The following PARD3 variants were observed in gnomAD, a reference collection of about 807,000 sequenced individuals.
PARD3 encodes the protein par-3 family cell polarity regulator.
In PARD3, 75 loss-of-function variants were observed where a neutral mutation model predicts 155.4. The ratio of observed to expected loss-of-function variants is 0.48; its 90% confidence interval spans 0.40 to 0.58. PARD3 has a LOEUF of 0.58. Ranked by LOEUF, PARD3 falls within the 20% of genes least tolerant of loss-of-function variation. The pLI is 0.00. For synonymous variants in PARD3, 576 were observed against 610.5 expected (o/e 0.94, Z 0.83); for missense variants, 1,642 against 1,721.7 (o/e 0.95, Z 0.82).
intron 15 of PARD3, 100 bp from the exon 16 acceptor site, chr10:34,341,916 T>C (rs1589238243): frequency 1.5e-6 from 1 of 681,900 alleles, no homozygotes; most frequent in East Asian, 2.7e-5. Context: ...AGTCTAATTT[T>C]CCACATATCT....
intron 9 of PARD3, among the ~76,000 whole-genome samples, chr10:34,381,619 A>C (rs945071135): frequency 4.6e-5 from 7 of 152,082 alleles, no homozygotes; most frequent in Non-Finnish European, 8.8e-5. Context: ...CGACATCATG[A>C]CTTCCACATC....
chr10:34,144,859 C>G (rs1948378984), intron 22 of PARD3, among the ~76,000 whole-genome samples: 2 of 152,088 alleles, frequency 1.3e-5, no homozygotes, highest in African/African-American at 4.8e-5. Context: ...CTGGAGCCCT[C>G]TAACCTCAAA....
intron 12 of PARD3, among the ~76,000 whole-genome samples, chr10:34,363,697 G>A (rs1358589513): frequency 6.6e-6 from 1 of 152,094 alleles, no homozygotes; most frequent in Non-Finnish European, 1.5e-5. Flanking sequence ...CTCGAATTAA[G>A]ATCTTTCTAC....
chr10:34,140,562 A>G (rs1365557917), intron 22 of PARD3, among the ~76,000 whole-genome samples: 1 of 152,224 alleles, frequency 6.6e-6, no homozygotes, highest in Non-Finnish European at 1.5e-5. Context: ...CTGGCTAAAA[A>G]GACTGTGGCT....
At chr10:34,397,985 TTAACTA>T (rs1195251278) in intron 7 of PARD3, among the ~76,000 whole-genome samples, 1 of 152,210 alleles carries the variant, frequency 6.6e-6, no homozygotes, top group East Asian at 1.9e-4. Flanking sequence ...ATAATATTGT[TTAACTA>T]TAAGTTATTT....
At chr10:34,429,568 T>A (rs1018610709) in intron 5 of PARD3, among the ~76,000 whole-genome samples, 1 of 108,912 alleles carries the variant, frequency 9.2e-6, no homozygotes, top group African/African-American at 7.4e-5. Flanking sequence ...TGTTTTGTTT[T>A]GTTTTGTTTT....
At chr10:34,177,233 A>ATTTG (rs1950070566) in intron 22 of PARD3, among the ~76,000 whole-genome samples, 1 of 152,232 alleles carries the variant, frequency 6.6e-6, no homozygotes, top group Non-Finnish European at 1.5e-5. Context: ...ATTTCACCAT[A>ATTTG]GCCCAGCAGA....
intron 2 of PARD3, among the ~76,000 whole-genome samples, chr10:34,682,240 A>C (rs958933569): frequency 6.6e-6 from 1 of 152,156 alleles, no homozygotes; most frequent in African/African-American, 2.4e-5. Flanking sequence ...GTCAAGCAGT[A>C]TAGCACACAT....
chr10:34,437,852 A>C (rs533579671), intron 5 of PARD3, among the ~76,000 whole-genome samples: 4 of 152,246 alleles, frequency 2.6e-5, no homozygotes, highest in Non-Finnish European at 5.9e-5. Flanking sequence ...TAGTTATATA[A>C]ACATGAAGAG....
intron 12 of PARD3, among the ~76,000 whole-genome samples, chr10:34,361,005 G>T (rs1183912388): frequency 6.6e-6 from 1 of 152,160 alleles, no homozygotes; most frequent in Non-Finnish European, 1.5e-5. Context: ...TTAAAACAGA[G>T]GAAGAAATGA....
In PARD3 at chr10:34,400,685, A is replaced by G. The variant is rs551841129; in HGVS notation, c.806+1141T>C. ...ATAAAAACCTGAAGTTATCCTATGT[A>G]CTATGAATGTCCTGCATAAAGACAG... On this transcript the variant is annotated intron_variant, in intron 6 of 24. Transcript: ENST00000374788. 2.7e-3 allele frequency among the ~76,000 whole-genome samples: 407 copies of G among 152,328 alleles called. 1 individual carries two copies. The highest frequency in any genetic ancestry group is 4.8e-3 in the Non-Finnish European group (326 of 68,026).
chr10:34,512,228 A>T (rs1347239243), intron 3 of PARD3, among the ~76,000 whole-genome samples: 1 of 152,234 alleles, frequency 6.6e-6, no homozygotes, highest in Non-Finnish European at 1.5e-5. Flanking sequence ...GTGAAACCAC[A>T]CTACAAGGAA....
intron 1 of PARD3, among the ~76,000 whole-genome samples, chr10:34,758,833 G>C (rs1169277054): frequency 6.6e-6 from 1 of 152,184 alleles, no homozygotes; most frequent in East Asian, 1.9e-4. Flanking sequence ...GGATGACAAG[G>C]AAGGTTTAAC....
rs1836847696 is a variant in PARD3 at position 34,341,692 on chromosome 10, A to G, written c.2343T>C (p.Asp781=). 6.2e-7 allele frequency: 1 copy of G among 1,613,982 alleles called. No homozygotes were observed. Among genetic ancestry groups the G allele is most frequent in the Non-Finnish European group, 8.5e-7 (1 of 1,179,918 alleles). ...SDQSSSSSHD[D]VGFVTADAGT... is the part of the protein sequence containing the mutation. ...CAGCATCTGCCGTCACAAACCCCACATCATCATGGGAGCTGGAAGAGGACT... is the reference window on the plus strand; with the variant it reads ...CAGCATCTGCCGTCACAAACCCCACGTCATCATGGGAGCTGGAAGAGGACT... Residue 781 remains aspartate (D), a synonymous_variant, in exon 16 of 25, where the codon GAT becomes GAC. Coordinates refer to ENST00000374788, the MANE Select transcript of PARD3 (RefSeq NM_001184785.2).
chr10:34,363,288 A>T (rs1393369318), intron 12 of PARD3, among the ~76,000 whole-genome samples: 1 of 151,098 alleles, frequency 6.6e-6, no homozygotes, highest in Non-Finnish European at 1.5e-5. Context: ...TGAACTCTGA[A>T]CCTGTTTTAA....
intron 15 of PARD3, among the ~76,000 whole-genome samples, chr10:34,342,461 G>T (rs1344091005): frequency 2.0e-5 from 3 of 152,186 alleles, no homozygotes; most frequent in African/African-American, 7.2e-5. Flanking sequence ...CAGAAGAAAT[G>T]ATGATATTTA....
intron 2 of PARD3, among the ~76,000 whole-genome samples, chr10:34,569,347 A>G (rs2086199811): frequency 1.3e-5 from 2 of 152,226 alleles, no homozygotes; most frequent in Non-Finnish European, 2.9e-5. Context: ...ATATTTTTAA[A>G]TTATGAGGGA....
At chr10:34,579,578 G>GTGTGTGTA (rs953814484) in intron 2 of PARD3, among the ~76,000 whole-genome samples, 1 of 151,740 alleles carries the variant, frequency 6.6e-6, no homozygotes, top group Non-Finnish European at 1.5e-5. Context: ...GTGTGTGTGT[G>GTGTGTGTA]TGTGTGTGTG....
chr10:34,761,832 C>CA (rs1234586141), intron 1 of PARD3, among the ~76,000 whole-genome samples: 3 of 151,810 alleles, frequency 2.0e-5, no homozygotes, highest in Admixed American at 1.3e-4. Flanking sequence ...GTACAGCCAC[C>CA]AAAAAAATTA....
Sources: gnomAD v4.1 joint callset for allele counts (sites outside exome capture counted in the v4.1 genomes callset) on GRCh38, gnomAD v4.1.1 for gene constraint, MANE v1.5 for transcripts, NCBI Gene and HGNC (gene_info 2026-07-23, HGNC 2026-07-21) for gene names.